The following IREB2 variants were observed in gnomAD, a reference collection of about 807,000 sequenced individuals.
The protein encoded by IREB2 is iron responsive element binding protein 2, also known as iron-responsive element-binding protein 2.
In IREB2, 39 loss-of-function variants were observed where a neutral mutation model predicts 118.8. The observed-to-expected ratio is 0.33, with a 90% CI of 0.25 to 0.43. The LOEUF (loss-of-function observed/expected upper bound fraction) is 0.43, where lower values mean the gene tolerates loss of function less well. Among genes scored for constraint, IREB2 ranks in the 20% least tolerant of loss-of-function variants. IREB2 has a pLI of 1.00. For synonymous variants in IREB2, 372 were observed against 392.2 expected (o/e 0.95, Z 0.61); for missense variants, 900 against 1,147.3 (o/e 0.78, Z 3.11).
intron 10 of IREB2, among the ~76,000 whole-genome samples, chr15:78,482,334 A>G (rs10851906): frequency 0.22 from 33,419 of 152,218 alleles, 3,994 homozygotes; most frequent in South Asian, 0.35. Flanking sequence ...AAAAGTTTCA[A>G]GATGGTTATA....
intron 2 of IREB2, among the ~76,000 whole-genome samples, chr15:78,440,913 T>C (rs1212129939): frequency 6.6e-6 from 1 of 152,220 alleles, no homozygotes; most frequent in Admixed American, 6.5e-5. Flanking sequence ...TTGACTTTAC[T>C]AACAGTTGAG....
chr15:78,497,359 G>C (rs1295343309), intron 21 of IREB2, 48 bp downstream of exon 21: 1 of 1,281,876 alleles, frequency 7.8e-7, no homozygotes, highest in Non-Finnish European at 1.1e-6. Flanking sequence ...AAATGTTTAT[G>C]AATTATTGAA....
At chr15:78,480,100 G>T (rs891105846) in intron 10 of IREB2, 1 of 152,140 alleles carries the variant, frequency 6.6e-6, no homozygotes, top group Non-Finnish European at 1.5e-5. Context: ...CTTTGGTTTG[G>T]TATTGTATCC....
chr15:78,491,786 G>A (rs1314326441), intron 18 of IREB2, among the ~76,000 whole-genome samples: 3 of 152,140 alleles, frequency 2.0e-5, no homozygotes, highest in Admixed American at 1.3e-4. Context: ...ATGAGCAACC[G>A]TGCCCAGCCA....
intron 6 of IREB2, 79 bp downstream of exon 6, chr15:78,470,680 T>TCTAAGTCA: frequency 1.6e-6 from 1 of 630,800 alleles, no homozygotes; most frequent in Non-Finnish European, 2.6e-6. Context: ...TTTGTTTCTT[T>TCTAAGTCA]TTCTTTTCCT....
intron 13 of IREB2, among the ~76,000 whole-genome samples, chr15:78,486,215 C>T (rs1175073860): frequency 6.6e-6 from 1 of 152,152 alleles, no homozygotes; most frequent in African/African-American, 2.4e-5. Context: ...TTATAGTTTG[C>T]ATTTATTAAC....
At chr15:78,462,777 C>A in intron 2 of IREB2, 145 bp from the exon 3 acceptor site, 1 of 573,922 alleles carries the variant, frequency 1.7e-6, no homozygotes, top group Non-Finnish European at 3.0e-6. Flanking sequence ...TGGTGTTACA[C>A]TCTAGTTTGT....
Position 78,473,372 on chromosome 15 carries a change from T to C in IREB2, c.1014T>C (p.Gly338=). Residue 338 remains glycine (G), a synonymous_variant, in exon 8 of 22, where the codon GGT becomes GGC. Transcript: ENST00000258886. ...PFVTSIDVVL[G]ITKHLRQVGV... ...TTACATCCATAGATGTTGTTCTTGG[T>C]ATTACAAAGGTAAGTTAAAGTTGTG... 6.2e-7 allele frequency: 1 copy of C among 1,613,512 alleles called. No homozygotes were observed. Among genetic ancestry groups the C allele is most frequent in the Non-Finnish European group, 8.5e-7 (1 of 1,179,636 alleles).
In IREB2 at chr15:78,498,197, C is replaced by A; in HGVS notation, c.*54C>A. ...ACTGGTAACTGCAAAGCCTTTTGTG[C>A]TGGACCCAGGAATCCTTACCATGGA... On this transcript the variant is annotated 3_prime_UTR_variant, in exon 22 of 22. Coordinates refer to ENST00000258886, the MANE Select transcript of IREB2 (RefSeq NM_004136.4). 1 of 987,044 alleles carries A rather than the reference C, an allele frequency of 1.0e-6. No homozygotes were observed. The highest frequency in any genetic ancestry group is 1.6e-6 in the Non-Finnish European group (1 of 616,128). 61.1% of individuals were successfully genotyped at this position (987,044 alleles called of 1,614,324 possible). A position where few individuals can be genotyped will look rare whatever the true frequency, so the allele number is the denominator to read the frequency against.
chr15:78,475,984 A>G, intron 8 of IREB2: 4 of 396,102 alleles, frequency 1.0e-5, no homozygotes, highest in Non-Finnish European at 1.8e-5. Context: ...CCTGATTAAC[A>G]GTGACATTGG....
chr15:78,497,592 A>AT (rs2051859619), intron 21 of IREB2, among the ~76,000 whole-genome samples: 1 of 152,164 alleles, frequency 6.6e-6, no homozygotes, highest in African/African-American at 2.4e-5. Context: ...CATGGTGGTC[A>AT]TTTTTTTGCT....
chr15:78,474,004 GATT>G (rs372987248), intron 8 of IREB2: 61 of 152,162 alleles, frequency 4.0e-4, no homozygotes, highest in African/African-American at 1.3e-3. Context: ...CATTTCTCTG[GATT>G]ATTATGTAAA....
intron 2 of IREB2, among the ~76,000 whole-genome samples, chr15:78,457,010 A>C (rs1050990251): frequency 1.3e-5 from 2 of 152,166 alleles, no homozygotes; most frequent in African/African-American, 4.8e-5. Flanking sequence ...GGTGGAATCA[A>C]TGTTGAGCAT....
intron 3 of IREB2, 29 bp from the exon 4 acceptor site, chr15:78,465,222 C>A: frequency 6.4e-7 from 1 of 1,572,794 alleles, no homozygotes; most frequent in South Asian, 1.2e-5. Flanking sequence ...ACAATTTGGA[C>A]TATAATTTGA....
At position 78,476,201 on chromosome 15, in the gene IREB2, T is replaced by C; in HGVS notation, c.1037T>C (p.Val346Ala). 6.3e-7 allele frequency: 1 copy of C among 1,590,930 alleles called. No individual in the cohort carries two copies. The highest frequency in any genetic ancestry group is 8.6e-7 in the Non-Finnish European group (1 of 1,162,416). Residue 346 changes from valine to alanine, a missense_variant, in exon 9 of 22, where the codon GTA (valine) becomes GCA (alanine). Val to Ala is a moderately conservative substitution (Grantham distance 64). Coordinates refer to ENST00000258886, the MANE Select transcript of IREB2 (RefSeq NM_004136.4). Reference sequence around the variant, plus strand: ...TTCCTTATATAGCACCTCAGGCAAGTAGGAGTGGCTGGAAAGTTTGTTGAG... The same window carrying C: ...TTCCTTATATAGCACCTCAGGCAAGCAGGAGTGGCTGGAAAGTTTGTTGAG... ...VLGITKHLRQ[V>A]GVAGKFVEFF...
intron 3 of IREB2, among the ~76,000 whole-genome samples, chr15:78,463,505 G>A (rs1185289610): frequency 6.6e-6 from 1 of 151,234 alleles, no homozygotes; most frequent in African/African-American, 2.4e-5. Flanking sequence ...TTTTTGTTTT[G>A]TTTTGTTTTT....
chr15:78,456,875 T>C (rs1023957764), intron 2 of IREB2, among the ~76,000 whole-genome samples: 6 of 152,198 alleles, frequency 3.9e-5, no homozygotes, highest in African/African-American at 1.4e-4. Flanking sequence ...ATTTCCTCCA[T>C]GTTGTTAAAT....
At chr15:78,459,602 G>A (rs2051164155) in intron 2 of IREB2, among the ~76,000 whole-genome samples, 2 of 152,022 alleles carry the variant, frequency 1.3e-5, no homozygotes, top group South Asian at 4.2e-4. Flanking sequence ...CACCCACGTC[G>A]GCCTCCCAAA....
intron 18 of IREB2, among the ~76,000 whole-genome samples, chr15:78,493,242 C>T (rs1417286306): frequency 6.6e-6 from 1 of 152,100 alleles, no homozygotes; most frequent in Non-Finnish European, 1.5e-5. Flanking sequence ...GGAACATATA[C>T]TGTCATTCTT....
Sources: gnomAD v4.1 joint callset for allele counts (sites outside exome capture counted in the v4.1 genomes callset) on GRCh38, gnomAD v4.1.1 for gene constraint, MANE v1.5 for transcripts, NCBI Gene and HGNC (gene_info 2026-07-23, HGNC 2026-07-21) for gene names.